Variants in CRTC3 observed in about 807,000 individuals in gnomAD.
CRTC3 encodes CREB-regulated transcription coactivator 3.
A neutral mutation model predicts 74.5 loss-of-function variants in CRTC3; 26 were observed. The observed-to-expected ratio is 0.35, with a 90% confidence interval of 0.26 to 0.48. The LOEUF (loss-of-function observed/expected upper bound fraction) is 0.48, where lower values mean the gene tolerates loss of function less well. Ranked by LOEUF, CRTC3 falls within the 20% of genes least tolerant of loss-of-function variation. The pLI, the probability that CRTC3 is intolerant of heterozygous loss-of-function variation, is 0.99. For synonymous variants in CRTC3, 377 were observed against 325.8 expected, an observed-to-expected ratio of 1.16 and a Z score of -1.69; for missense variants, 760 against 787.3, an observed-to-expected ratio of 0.97 and a Z score of 0.41.
At chr15:90,631,813 C>A (rs760894718) in intron 11 of CRTC3, among the ~76,000 whole-genome samples, 50 of 152,046 alleles carry the variant, frequency 3.3e-4, no homozygotes, top group Non-Finnish European at 6.2e-4. Context: ...AACTCCTGAG[C>A]TCAAGTGATC....
intron 3 of CRTC3, 33 bp downstream of exon 3, chr15:90,593,788 A>T: frequency 6.4e-7 from 1 of 1,555,770 alleles, no homozygotes; most frequent in Admixed American, 1.8e-5. Context: ...GGGAGTGTGC[A>T]TTCTGAAATG....
intron 2 of CRTC3, among the ~76,000 whole-genome samples, chr15:90,563,968 G>A (rs917246603): frequency 6.6e-6 from 1 of 151,974 alleles, no homozygotes; most frequent in Non-Finnish European, 1.5e-5. Context: ...TGGCAAAAAT[G>A]TACTGAACTT....
At position 90,626,416 on chromosome 15, in the gene CRTC3, G is replaced by T. The variant is rs1038073184; in HGVS notation, c.967+423G>T. Among the ~76,000 whole-genome samples, 3 of 152,160 alleles carry T rather than the reference G, an allele frequency of 2.0e-5. No homozygotes were observed. The South Asian group carries it at 6.2e-4, about 31-fold the overall frequency. The stretch of plus-strand genomic sequence containing the variant: ...TATTCTGCATTTTAGAAAATTTACA[G>T]TGGATATGATGAAAATATTTATACT... On this transcript the variant is annotated intron_variant, in intron 10 of 14. Coordinates refer to ENST00000268184, the MANE Select transcript of CRTC3 (RefSeq NM_022769.5).
chr15:90,551,904 CTTACA>C (rs1202878114), intron 2 of CRTC3, among the ~76,000 whole-genome samples: 2 of 148,816 alleles, frequency 1.3e-5, no homozygotes, highest in African/African-American at 2.5e-5. Context: ...AAGGCGCGCC[CTTACA>C]TTACATTACA....
chr15:90,558,721 G>A (rs1596082361), intron 2 of CRTC3, among the ~76,000 whole-genome samples: 2 of 151,614 alleles, frequency 1.3e-5, no homozygotes, highest in East Asian at 3.9e-4. Flanking sequence ...CACTTATCAC[G>A]ATCCAGTATA....
chr15:90,567,915 G>A (rs923434632), intron 2 of CRTC3, among the ~76,000 whole-genome samples: 8 of 152,110 alleles, frequency 5.3e-5, no homozygotes, highest in South Asian at 2.1e-4. Flanking sequence ...TAGTGATTCC[G>A]CTGATGGATC....
intron 7 of CRTC3, 34 bp from the exon 8 acceptor site, chr15:90,617,849 T>A: frequency 6.8e-7 from 1 of 1,461,896 alleles, no homozygotes; most frequent in Non-Finnish European, 9.6e-7. Context: ...TGCCTTCTCA[T>A]GCAATGACTG....
At chr15:90,536,875 C>T (rs887925509) in intron 1 of CRTC3, among the ~76,000 whole-genome samples, 2 of 152,196 alleles carry the variant, frequency 1.3e-5, no homozygotes, top group Admixed American at 6.5e-5. Context: ...CTTCATCCAG[C>T]GATGCCATGC....
chr15:90,621,038 A>G (rs1457695191), intron 9 of CRTC3, among the ~76,000 whole-genome samples: 1 of 152,138 alleles, frequency 6.6e-6, no homozygotes, highest in Non-Finnish European at 1.5e-5. Flanking sequence ...GCCAGGACGC[A>G]TGCCCAACAA....
intron 6 of CRTC3, 129 bp downstream of exon 6, chr15:90,607,607 A>T: frequency 1.6e-6 from 1 of 606,640 alleles, no homozygotes; most frequent in Non-Finnish European, 2.9e-6. Context: ...AGCTCGTGGC[A>T]GGGAAGCGTG....
chr15:90,642,355 G>T lies in CRTC3; in HGVS notation c.*215G>T, dbSNP rs1267012661. 3 of 571,310 alleles carry T rather than the reference G, an allele frequency of 5.3e-6. No individual in the cohort carries two copies. Among genetic ancestry groups the T allele is most frequent in the African/African-American group, 1.9e-5 (1 of 53,420 alleles). 35.4% of individuals were successfully genotyped at this position (571,310 alleles called of 1,614,324 possible). On this transcript the variant is annotated 3_prime_UTR_variant, in exon 15 of 15. Coordinates refer to ENST00000268184, the MANE Select transcript of CRTC3 (RefSeq NM_022769.5). Reference sequence around the variant, plus strand: ...GCCTCTCCCGCCTGTGGCCAAAGTCGTGTTGCAGCAGGCAGGCTGCTTGGA... The same window carrying T: ...GCCTCTCCCGCCTGTGGCCAAAGTCTTGTTGCAGCAGGCAGGCTGCTTGGA...
At chr15:90,634,784 G>C in intron 11 of CRTC3, 1 of 1,236,942 alleles carries the variant, frequency 8.1e-7, no homozygotes, top group Non-Finnish European at 1.2e-6. Context: ...TGGTTGGAAG[G>C]AGCGCTGCTA....
chr15:90,637,611 C>T (rs1969288635), intron 11 of CRTC3, among the ~76,000 whole-genome samples: 1 of 152,132 alleles, frequency 6.6e-6, no homozygotes, highest in African/African-American at 2.4e-5. Flanking sequence ...AGTGCCTCAC[C>T]TTCTAATATC....
rs1275543548 is a variant in CRTC3, at chr15:90,587,122, A to G, written c.232-6514A>G. On this transcript the variant is annotated intron_variant, in intron 2 of 14. Transcript: ENST00000268184. ...AGATCAATAGTGTCTAAATTAGAGG[A>G]AGTAATTTCCCCCCTAGGTGACGAA... is the stretch of plus-strand genomic sequence containing the variant. 2.0e-5 allele frequency among the ~76,000 whole-genome samples: 3 copies of G among 152,326 alleles called. No individual in the cohort carries two copies. The East Asian group carries it at 5.8e-4, about 29-fold the overall frequency.
chr15:90,622,115 A>G (rs1968671463), intron 9 of CRTC3, among the ~76,000 whole-genome samples: 1 of 152,204 alleles, frequency 6.6e-6, no homozygotes, highest in East Asian at 1.9e-4. Flanking sequence ...GCAAGTGCAA[A>G]GACCCCAAGG....
intron 2 of CRTC3, among the ~76,000 whole-genome samples, chr15:90,579,636 T>TTTTTTTTTTTTTG (rs1223867448): frequency 8.1e-6 from 1 of 123,918 alleles, no homozygotes; most frequent in Non-Finnish European, 1.6e-5. Flanking sequence ...GTATTTCACT[T>TTTTTTTTTTTTTG]TTTTTTTTTT....
At chr15:90,545,949 C>T (rs1443797063) in intron 2 of CRTC3, among the ~76,000 whole-genome samples, 1 of 152,062 alleles carries the variant, frequency 6.6e-6, no homozygotes, top group East Asian at 1.9e-4. Context: ...TTCTGGATAC[C>T]AGTTCTTTAT....
intron 2 of CRTC3, among the ~76,000 whole-genome samples, chr15:90,568,926 T>A (rs773952812): frequency 2.0e-5 from 3 of 152,176 alleles, no homozygotes; most frequent in Non-Finnish European, 4.4e-5. Flanking sequence ...AGTGTATATA[T>A]TTTTCATGCA....
intron 10 of CRTC3, among the ~76,000 whole-genome samples, chr15:90,628,142 G>A (rs1032160978): frequency 1.7e-4 from 25 of 151,320 alleles, no homozygotes; most frequent in Admixed American, 1.1e-3. Flanking sequence ...GCGTGAACCC[G>A]GGAGACGGAG....
Sources: allele counts gnomAD v4.1 joint callset (sites outside exome capture counted in the v4.1 genomes callset), GRCh38; gene constraint gnomAD v4.1.1; transcripts MANE v1.5; gene names NCBI Gene and HGNC (gene_info 2026-07-23, HGNC 2026-07-21).